INPP5J: variants seen among roughly 807,000 people sequenced by gnomAD.
The protein encoded by INPP5J is phosphatidylinositol 4,5-bisphosphate 5-phosphatase A.
A neutral mutation model predicts 86.6 loss-of-function variants in INPP5J; 75 were observed. The observed-to-expected ratio is 0.87, with a 90% CI of 0.72 to 1.05. The LOEUF (loss-of-function observed/expected upper bound fraction) is 1.05, where lower values mean the gene tolerates loss of function less well. Ranked by LOEUF, INPP5J falls within the 50% of genes least tolerant of loss-of-function variation. INPP5J has a pLI of 0.00. For synonymous variants in INPP5J, 540 were observed against 550.0 expected (o/e 0.98, Z 0.25); for missense variants, 1,229 against 1,341.2 (o/e 0.92, Z 1.31).
At chr22:31,127,161 C>T (rs753609577) in intron 5 of INPP5J, 124 bp downstream of exon 5, 281 of 822,712 alleles carry the variant, frequency 3.4e-4, no homozygotes, top group Non-Finnish European at 5.1e-4. Flanking sequence ...GCCCAGCCCC[C>T]CCATGCACCA....
chr22:31,124,155 G>A, intron 1 of INPP5J: 1 of 515,604 alleles, frequency 1.9e-6, no homozygotes, highest in Non-Finnish European at 2.5e-6. Flanking sequence ...GAGAAACTGA[G>A]GCGCTGGGCA....
chr22:31,129,392 C>T (rs1394503578), intron 9 of INPP5J, among the ~76,000 whole-genome samples: 2 of 150,674 alleles, frequency 1.3e-5, no homozygotes, highest in South Asian at 2.1e-4. Context: ...AGGCACCCGC[C>T]GTCATGCCCG....
At chr22:31,130,857 T>C (rs1922005973) in intron 9 of INPP5J, among the ~76,000 whole-genome samples, 1 of 152,216 alleles carries the variant, frequency 6.6e-6, no homozygotes, top group African/African-American at 2.4e-5. Context: ...ACCAGACCTG[T>C]GAGACCAATT....
At chr22:31,131,071 T>G (rs967273910) in intron 9 of INPP5J, among the ~76,000 whole-genome samples, 4 of 152,180 alleles carry the variant, frequency 2.6e-5, no homozygotes, top group Admixed American at 6.5e-5. Flanking sequence ...CTGGTAACTT[T>G]GTCACATGGC....
rs1170677611 is a variant in INPP5J, at chr22:31,126,658, C to CCT, written c.1434_1435dup (p.Phe479SerfsTer14). The CCT allele has an allele frequency of 9.9e-6, 16 of 1,613,846 alleles. No homozygotes were observed. Among genetic ancestry groups the CCT allele is most frequent in the Non-Finnish European group, 1.4e-5 (16 of 1,179,858 alleles). ...TGCTCAACAAGCGACTCAAGGACGC[C>CCT]CTCTTCACGGACCAGTGGAGTGAGC... On this transcript the variant is annotated frameshift_variant, in exon 4 of 13. Coordinates refer to ENST00000331075, the MANE Select transcript of INPP5J (RefSeq NM_001284285.2). LOFTEE classifies it high-confidence loss of function.
At position 31,125,811 on chromosome 22, in the gene INPP5J, C is replaced by A; in HGVS notation, c.1072C>A (p.Arg358Ser). 6.3e-7 allele frequency: 1 copy of A among 1,595,930 alleles called. No homozygotes were observed. Among genetic ancestry groups the A allele is most frequent in the Non-Finnish European group, 8.5e-7 (1 of 1,171,572 alleles). Residue 358 changes from arginine (R) to serine (S), a missense_variant, in exon 2 of 13, where the codon CGC becomes AGC. Transcript: ENST00000331075. ...CCGTTCCCCAAGCCACTCCCCGAAT[C>A]GCTCTCCCTGTGTTCCCCCAGCCCC... ...PSRSPSHSPN[R>S]SPCVPPAPDM... is the part of the protein sequence containing the mutation.
rs575350453 is a variant in INPP5J at position 31,127,317 on chromosome 22, C to A, written c.1612-40C>A. On this transcript the variant is annotated intron_variant, in intron 5 of 12. Coordinates refer to ENST00000331075, the MANE Select transcript of INPP5J (RefSeq NM_001284285.2). ...CGCTCCCAGTGCCTCACCTCCTGGC[C>A]TAAGCCCCGCCCATGAGCCATCCGA... 134 of 1,557,796 alleles carry A rather than the reference C, an allele frequency of 8.6e-5. 2 individuals are homozygous for A. In the South Asian group the frequency reaches 1.6e-3, roughly 18 times the overall value.
intron 9 of INPP5J, among the ~76,000 whole-genome samples, chr22:31,132,022 A>G (rs1215252246): frequency 6.6e-6 from 1 of 152,182 alleles, no homozygotes; most frequent in East Asian, 1.9e-4. Flanking sequence ...CAGCAGCTCC[A>G]CCCATTCAGG....
chr22:31,124,359 T>A, intron 1 of INPP5J: 3 of 886,764 alleles, frequency 3.4e-6, no homozygotes, highest in Non-Finnish European at 4.1e-6. Flanking sequence ...AAGGGAGAGG[T>A]ATTTAACAAG....
chr22:31,125,886 T>G lies in INPP5J; in HGVS notation c.1147T>G (p.Cys383Gly), dbSNP rs759856052. Residue 383 changes from cysteine to glycine, a missense_variant, in exon 2 of 13, where the codon TGC (cysteine) becomes GGC (glycine). Physicochemically the swap from Cys to Gly is radical, Grantham distance 159 (BLOSUM62 -3). Transcript: ENST00000331075. The part of the protein sequence containing the change: ...LGTQSTGPGR[C>G]LSPNLQAQEA... ...CACACAGAGTACAGGGCCTGGCAGG[T>G]GCCTGAGCCCCAACCTTCAGGCCCA... 1 of 1,610,882 alleles carries G rather than the reference T, an allele frequency of 6.2e-7. No individual in the cohort carries two copies.
chr22:31,123,559 TGCC>T (rs771836637), intron 1 of INPP5J, among the ~76,000 whole-genome samples: 1 of 151,698 alleles, frequency 6.6e-6, no homozygotes, highest in Non-Finnish European at 1.5e-5. Context: ...CCAAGGAGGG[TGCC>T]TAAAATGCCA....
In INPP5J at chr22:31,126,989, G is replaced by A. The variant is rs777490845; in HGVS notation, c.1563G>A (p.Leu521=). The A allele has an allele frequency of 5.6e-6, 9 of 1,609,800 alleles. No individual in the cohort carries two copies. Among genetic ancestry groups the A allele is most frequent in the Non-Finnish European group, 7.6e-6 (9 of 1,178,160 alleles). The change falls in exon 5 of 13, where the codon CTG becomes CTA. Residue 521 remains leucine (L), a synonymous_variant. Transcript: ENST00000331075. The part of the protein sequence containing the change: ...LFAKYYHLPF[L]RDVQTDCTRT... ...CCAAGTACTACCACCTGCCCTTCCT[G>A]CGAGACGTGCAGACCGACTGCACGC... is the stretch of plus-strand genomic sequence containing the variant.
chr22:31,126,644 C>T lies in INPP5J; in HGVS notation c.1417C>T (p.Arg473Ter), dbSNP rs545781350. The change falls in exon 4 of 13, where the codon CGA (arginine) becomes TGA (stop). Residue 473 changes from arginine to a stop codon, truncating the protein, a stop_gained. Coordinates refer to ENST00000331075, the MANE Select transcript of INPP5J (RefSeq NM_001284285.2). LOFTEE classifies it high-confidence loss of function. Reference sequence around the variant, plus strand: ...GGAAGTGAACTCCATGCTCAACAAGCGACTCAAGGACGCCCTCTTCACGGA... The same window carrying T: ...GGAAGTGAACTCCATGCTCAACAAGTGACTCAAGGACGCCCTCTTCACGGA... The part of the protein sequence containing the change: ...LQEVNSMLNK[R>*]LKDALFTDQW... 1.1e-5 allele frequency: 17 copies of T among 1,613,808 alleles called. No individual in the cohort carries two copies. The highest frequency in any genetic ancestry group is 1.7e-5 in the Admixed American group (1 of 60,000).
chr22:31,133,654 C>A lies in INPP5J; in HGVS notation c.2454C>A (p.Phe818Leu). The A allele has an allele frequency of 6.2e-7, 1 of 1,613,132 alleles. No homozygotes were observed. Among genetic ancestry groups the A allele is most frequent in the Non-Finnish European group, 8.5e-7 (1 of 1,179,576 alleles). The change falls in exon 12 of 13, where the codon TTC (phenylalanine) becomes TTA (leucine). Residue 818 changes from phenylalanine (F) to leucine (L), a missense_variant. Phe to Leu is a conservative substitution (Grantham distance 22). Transcript: ENST00000331075. ...EESLPKGHGD[F>L]ILGYYSHNHS... ...CACTGCCCAAGGGCCATGGAGACTT[C>A]ATCCTGGGCTACTATAGTCACAACC...
intron 6 of INPP5J, 123 bp downstream of exon 6, chr22:31,127,655 A>G: frequency 1.0e-6 from 1 of 988,860 alleles, no homozygotes; most frequent in Non-Finnish European, 1.5e-6. Flanking sequence ...CACCCAAACT[A>G]GTTGTAGGAA....
In INPP5J at chr22:31,133,133, G is replaced by T; in HGVS notation, c.2229G>T (p.Leu743=). ...GGGACGACATGCCACTGGTGCGGCT[G>T]GAGGTGGCAGATGAGTGGGTGCGGC... ...AFRDDMPLVR[L]EVADEWVRPE... Residue 743 remains leucine, a synonymous_variant, in exon 10 of 13, where the codon CTG becomes CTT. Coordinates refer to ENST00000331075, the MANE Select transcript of INPP5J (RefSeq NM_001284285.2). The T allele has an allele frequency of 6.4e-7, 1 of 1,571,596 alleles. No individual in the cohort carries two copies. The highest frequency in any genetic ancestry group is 8.6e-7 in the Non-Finnish European group (1 of 1,158,822).
Position 31,134,352 on chromosome 22 carries a change from C to G in INPP5J, c.2954C>G (p.Ala985Gly). The G allele has an allele frequency of 1.3e-6, 2 of 1,532,690 alleles. No individual in the cohort carries two copies. Among genetic ancestry groups the G allele is most frequent in the Non-Finnish European group, 1.8e-6 (2 of 1,139,544 alleles). The allele number at this position is 1,532,690 out of a possible 1,614,324, so 94.9% of individuals were successfully genotyped here. The change falls in exon 13 of 13, where the codon GCG (alanine) becomes GGG (glycine). Residue 985 changes from alanine to glycine, a missense_variant. Transcript: ENST00000331075. ...TGGGGACCTGATCGGGAGGCCCTGG[C>G]GCCCAACAGCCTGTCTCCTAGTCCC... ...GSWGPDREAL[A>G]PNSLSPSPQG...
chr22:31,125,805 C>T lies in INPP5J; in HGVS notation c.1066C>T (p.Pro356Ser). ...RSPSRSPSHSPNRSPCVPPAP... is the reference protein window; with the variant it reads ...RSPSRSPSHSSNRSPCVPPAP... ...ACCCAGCCGTTCCCCAAGCCACTCCCCGAATCGCTCTCCCTGTGTTCCCCC... is the reference window on the plus strand; with the variant it reads ...ACCCAGCCGTTCCCCAAGCCACTCCTCGAATCGCTCTCCCTGTGTTCCCCC... The change falls in exon 2 of 13, where the codon CCG becomes TCG. Residue 356 changes from proline to serine, a missense_variant. By Grantham distance (74) the Pro-to-Ser change is moderately conservative. Coordinates refer to ENST00000331075, the MANE Select transcript of INPP5J (RefSeq NM_001284285.2). 1 of 1,589,232 alleles carries T rather than the reference C, an allele frequency of 6.3e-7. No individual in the cohort carries two copies. Among genetic ancestry groups the T allele is most frequent in the Non-Finnish European group, 8.6e-7 (1 of 1,168,298 alleles).
intron 3 of INPP5J, 62 bp downstream of exon 3, chr22:31,126,551 C>CA: frequency 6.3e-7 from 1 of 1,599,370 alleles, no homozygotes; most frequent in Non-Finnish European, 8.6e-7. Context: ...GCCCTCCACC[C>CA]ATGGCAGGGG....
Sources: gnomAD v4.1 joint callset for allele counts (sites outside exome capture counted in the v4.1 genomes callset) on GRCh38, gnomAD v4.1.1 for gene constraint, MANE v1.5 for transcripts, NCBI Gene and HGNC (gene_info 2026-07-23, HGNC 2026-07-21) for gene names.